CEP83: variants seen among roughly 807,000 people sequenced by gnomAD.
CEP83 encodes the protein centrosomal protein 83, also known as centrosomal protein of 83 kDa.
Under a neutral mutation model 101.9 loss-of-function variants are expected in CEP83, and 70 were observed. The observed-to-expected ratio is 0.69, with a 90% confidence interval of 0.57 to 0.84. The LOEUF is 0.84. Ranked by LOEUF, CEP83 falls within the 40% of genes least tolerant of loss-of-function variation. The pLI, the probability that CEP83 is intolerant of heterozygous loss-of-function variation, is 0.00. For missense variants in CEP83, 715 were observed against 787.2 expected, an observed-to-expected ratio of 0.91 and a Z score of 1.10; for synonymous variants, 264 against 267.9, an observed-to-expected ratio of 0.99 and a Z score of 0.14.
intron 7 of CEP83, 30 bp from the exon 8 acceptor site, chr12:94,376,047 C>T (rs752589831): frequency 3.6e-6 from 5 of 1,377,188 alleles, no homozygotes; most frequent in Non-Finnish European, 4.9e-6. Flanking sequence ...GTTTAAAATT[C>T]ATCATTTTTC....
At chr12:94,382,868 A>G (rs1374045708) in intron 6 of CEP83, among the ~76,000 whole-genome samples, 1 of 151,994 alleles carries the variant, frequency 6.6e-6, no homozygotes, top group Non-Finnish European at 1.5e-5. Context: ...TGTTTTATAA[A>G]TGTTATTTAG....
chr12:94,303,696 T>C, downstream of CEP83: 3 of 717,836 alleles, frequency 4.2e-6, no homozygotes, highest in Admixed American at 4.7e-5. Flanking sequence ...CCTCCATCTT[T>C]TTTTTTTTTT....
At chr12:94,348,044 T>G (rs1357033320) in intron 11 of CEP83, among the ~76,000 whole-genome samples, 2 of 152,030 alleles carry the variant, frequency 1.3e-5, no homozygotes, top group African/African-American at 4.8e-5. Context: ...CTAATTTAAA[T>G]GAATGTACTG....
At chr12:94,347,484 T>A (rs769843684) in intron 11 of CEP83, among the ~76,000 whole-genome samples, 20 of 152,238 alleles carry the variant, frequency 1.3e-4, no homozygotes, top group Non-Finnish European at 2.6e-4. Context: ...GTTTCCACAT[T>A]GGAAAACAGT....
chr12:94,350,989 A>T (rs558320227), intron 11 of CEP83, among the ~76,000 whole-genome samples: 2 of 151,846 alleles, frequency 1.3e-5, no homozygotes, highest in Non-Finnish European at 2.9e-5. Flanking sequence ...GAGGACCAAC[A>T]CTCTTCCACA....
At chr12:94,378,702 C>A (rs1044325907) in intron 7 of CEP83, 89 bp downstream of exon 7, 2 of 1,355,874 alleles carry the variant, frequency 1.5e-6, no homozygotes, top group Non-Finnish European at 2.0e-6. Context: ...GCTTGGGGGG[C>A]ATACATTTAT....
intron 1 of CEP83, among the ~76,000 whole-genome samples, chr12:94,454,012 G>A (rs1421393967): frequency 2.6e-5 from 4 of 151,512 alleles, no homozygotes; most frequent in Admixed American, 6.6e-5. Flanking sequence ...CAGGAGAATC[G>A]CTTGAACCCA....
chr12:94,419,375 A>G (rs1188288066), intron 2 of CEP83, among the ~76,000 whole-genome samples: 1 of 152,138 alleles, frequency 6.6e-6, no homozygotes, highest in Non-Finnish European at 1.5e-5. Context: ...GACCTAATAG[A>G]GATATGGACT....
chr12:94,439,556 C>CAA (rs989596200), intron 1 of CEP83, among the ~76,000 whole-genome samples: 1 of 131,202 alleles, frequency 7.6e-6, no homozygotes, highest in Non-Finnish European at 1.7e-5. Flanking sequence ...AAAATGCCAA[C>CAA]AAAAAAAAAA....
At chr12:94,399,688 C>T (rs1261961484) in intron 6 of CEP83, among the ~76,000 whole-genome samples, 3 of 152,184 alleles carry the variant, frequency 2.0e-5, no homozygotes, top group African/African-American at 7.2e-5. Flanking sequence ...TGCGCCACTG[C>T]ATTCCAGCCT....
intron 1 of CEP83, among the ~76,000 whole-genome samples, chr12:94,459,208 C>G (rs905305444): frequency 1.3e-5 from 2 of 152,206 alleles, no homozygotes; most frequent in Admixed American, 1.3e-4. Flanking sequence ...CCAGCATATG[C>G]TAACATATTT....
intron 11 of CEP83, among the ~76,000 whole-genome samples, chr12:94,364,859 A>G (rs994980287): frequency 6.6e-6 from 1 of 152,212 alleles, no homozygotes; most frequent in Admixed American, 6.5e-5. Flanking sequence ...CTCACAGCAT[A>G]CAAAAGAATA....
intron 13 of CEP83, among the ~76,000 whole-genome samples, chr12:94,333,112 A>G (rs1045589362): frequency 6.6e-6 from 1 of 151,698 alleles, no homozygotes; most frequent in Non-Finnish European, 1.5e-5. Context: ...TTCTAATTCA[A>G]GGAATTAAGT....
chr12:94,313,472 C>G (rs1970175726), intron 14 of CEP83, among the ~76,000 whole-genome samples: 1 of 142,612 alleles, frequency 7.0e-6, no homozygotes, highest in Non-Finnish European at 1.5e-5. Flanking sequence ...GAGTTCAAGG[C>G]TACAGTTAGC....
chr12:94,359,209 A>G (rs2060625940), intron 11 of CEP83, among the ~76,000 whole-genome samples: 1 of 152,238 alleles, frequency 6.6e-6, no homozygotes, highest in Non-Finnish European at 1.5e-5. Context: ...GTGAGAAATC[A>G]GGGGATTTCC....
chr12:94,297,354 A>G, the CEP83 span: 2,671 of 1,614,076 alleles, frequency 1.7e-3, 2 homozygotes, highest in Non-Finnish European at 2.1e-3. Context: ...ATGTGCAAGG[A>G]AAGAGACATC....
intron 9 of CEP83, 198 bp downstream of exon 9, chr12:94,369,724 C>A: frequency 2.5e-6 from 1 of 404,748 alleles, no homozygotes; most frequent in South Asian, 5.7e-5. Context: ...AAACATAAGA[C>A]TGATTTTTTT....
chr12:94,350,699 CAGAAT>C (rs575873639), intron 11 of CEP83, among the ~76,000 whole-genome samples: 48 of 152,022 alleles, frequency 3.2e-4, no homozygotes, highest in African/African-American at 8.2e-4. Flanking sequence ...TAAAACCCTA[CAGAAT>C]AGGAGAAAAT....
At chr12:94,297,633 G>GT in the CEP83 span, among the ~76,000 whole-genome samples, 2 of 152,112 alleles carry the variant, frequency 1.3e-5, no homozygotes, top group Admixed American at 1.3e-4. Flanking sequence ...TTGTACTGTA[G>GT]TATCTTCAGT....
Sources: gnomAD v4.1 joint callset for allele counts (sites outside exome capture counted in the v4.1 genomes callset) on GRCh38, gnomAD v4.1.1 for gene constraint, MANE v1.5 for transcripts, NCBI Gene and HGNC (gene_info 2026-07-23, HGNC 2026-07-21) for gene names.